The following PRDM5 variants were observed in gnomAD, a reference collection of about 807,000 sequenced individuals.
PRDM5 encodes the protein PR domain zinc finger protein 5.
In PRDM5, 56 loss-of-function variants were observed where a neutral mutation model predicts 81.2. That is an observed-to-expected ratio of 0.69 (90% confidence interval 0.56 to 0.86). PRDM5 has a LOEUF of 0.86. Ranked by LOEUF, PRDM5 falls within the 40% of genes least tolerant of loss-of-function variation. The pLI is 0.00. For synonymous variants in PRDM5, 267 were observed against 256.4 expected (o/e 1.04, Z -0.39); for missense variants, 697 against 770.1 (o/e 0.91, Z 1.12).
rs143138250 is a variant in PRDM5, at chr4:120,794,863, G to A, written c.1188+3404C>T. ...CTGGTCTTGAACTCCGGACCTCAGC[G>A]GATCCACCCACCTCATCCTCCCAAA... On this transcript the variant is annotated intron_variant, in intron 10 of 15. Coordinates refer to ENST00000264808, the MANE Select transcript of PRDM5 (RefSeq NM_018699.4). 3.2e-3 allele frequency among the ~76,000 whole-genome samples: 487 copies of A among 151,898 alleles called. 3 individuals are homozygous for A. The highest frequency in any genetic ancestry group is 0.011 in the African/African-American group (457 of 41,454).
chr4:120,821,569 A>G (rs549223996), intron 3 of PRDM5, among the ~76,000 whole-genome samples: 1 of 152,322 alleles, frequency 6.6e-6, no homozygotes, highest in Admixed American at 6.5e-5. Context: ...CACATGTCAA[A>G]TGAAATTATG....
At chr4:120,770,531 G>T (rs187060251) in intron 13 of PRDM5, among the ~76,000 whole-genome samples, 1 of 151,402 alleles carries the variant, frequency 6.6e-6, no homozygotes, top group Admixed American at 6.6e-5. Flanking sequence ...CGTGACATGG[G>T]AGCCTTCAGA....
intron 8 of PRDM5, among the ~76,000 whole-genome samples, chr4:120,804,703 G>T (rs1171335448): frequency 6.6e-6 from 1 of 152,204 alleles, no homozygotes; most frequent in African/African-American, 2.4e-5. Context: ...TTAAAGTAGT[G>T]TGTAGAGGGA....
chr4:120,915,719 T>C (rs1381350687), intron 1 of PRDM5, among the ~76,000 whole-genome samples: 1 of 152,110 alleles, frequency 6.6e-6, no homozygotes, highest in Admixed American at 6.5e-5. Context: ...AAAGGACTCC[T>C]ACCACTGGGG....
intron 7 of PRDM5, among the ~76,000 whole-genome samples, chr4:120,814,719 A>T (rs577310380): frequency 6.6e-6 from 1 of 152,290 alleles, no homozygotes; most frequent in South Asian, 2.1e-4. Flanking sequence ...TCCAATAGGG[A>T]ATATTCTTTC....
At chr4:120,895,229 G>A (rs1207723610) in intron 2 of PRDM5, among the ~76,000 whole-genome samples, 3 of 152,166 alleles carry the variant, frequency 2.0e-5, no homozygotes. Context: ...AGGTTGATGT[G>A]TTAGTTCCAC....
intron 2 of PRDM5, among the ~76,000 whole-genome samples, chr4:120,859,380 C>T (rs900697004): frequency 2.0e-5 from 3 of 148,812 alleles, no homozygotes; most frequent in East Asian, 2.0e-4. Context: ...TCACCTTGCC[C>T]GGCTAATAAT....
intron 3 of PRDM5, among the ~76,000 whole-genome samples, chr4:120,848,541 AC>A (rs1324622905): frequency 6.6e-6 from 1 of 152,188 alleles, no homozygotes; most frequent in Non-Finnish European, 1.5e-5. Flanking sequence ...TCTTTCTCAT[AC>A]AGTCACAGTA....
At chr4:120,714,497 T>C (rs1223090040) in intron 14 of PRDM5, among the ~76,000 whole-genome samples, 1 of 152,208 alleles carries the variant, frequency 6.6e-6, no homozygotes, top group East Asian at 1.9e-4. Context: ...TATTTGCTTA[T>C]TTCCCAATTC....
At chr4:120,862,793 C>T (rs1357150798) in intron 2 of PRDM5, among the ~76,000 whole-genome samples, 2 of 152,098 alleles carry the variant, frequency 1.3e-5, no homozygotes, top group South Asian at 2.1e-4. Context: ...AAATCTTGGG[C>T]ATTGAATGTT....
At chr4:120,700,755 C>G (rs1735218527) in intron 15 of PRDM5, among the ~76,000 whole-genome samples, 1 of 152,132 alleles carries the variant, frequency 6.6e-6, no homozygotes, top group Admixed American at 6.5e-5. Context: ...AAAAAATGCT[C>G]ATAATCACTG....
At chr4:120,741,032 A>G (rs1741852182) in intron 14 of PRDM5, among the ~76,000 whole-genome samples, 1 of 151,730 alleles carries the variant, frequency 6.6e-6, no homozygotes, top group Admixed American at 6.6e-5. Context: ...TTCAAACACA[A>G]CTCAAATATC....
intron 7 of PRDM5, among the ~76,000 whole-genome samples, chr4:120,815,851 G>C (rs1192529761): frequency 6.6e-6 from 1 of 152,176 alleles, no homozygotes; most frequent in African/African-American, 2.4e-5. Context: ...TAATCCCTAA[G>C]CCAAAATATA....
At chr4:120,911,470 A>G (rs1766498817) in intron 1 of PRDM5, among the ~76,000 whole-genome samples, 1 of 152,224 alleles carries the variant, frequency 6.6e-6, no homozygotes, top group Non-Finnish European at 1.5e-5. Flanking sequence ...ACTGTTTCTG[A>G]ATAAAGCAGA....
rs187939847 is a variant in PRDM5, at chr4:120,705,133, A to T, written c.1728+5176T>A. On this transcript the variant is annotated intron_variant, in intron 15 of 15. Transcript: ENST00000264808. ...TGAAACTGGAGCCAAGGAGGCCAGT[A>T]CTATTGTTCCACTCCAGACCAGAAA... 2.5e-4 allele frequency among the ~76,000 whole-genome samples: 38 copies of T among 152,322 alleles called. No homozygotes were observed. In the East Asian group the frequency reaches 7.2e-3, roughly 29 times the overall value.
chr4:120,824,182 G>GTGT (rs1318927957), intron 3 of PRDM5, among the ~76,000 whole-genome samples: 2 of 152,174 alleles, frequency 1.3e-5, no homozygotes, highest in Non-Finnish European at 2.9e-5. Context: ...TAAGACAAGG[G>GTGT]TGTTGCCCCA....
chr4:120,735,760 C>G (rs1741011893), intron 14 of PRDM5, among the ~76,000 whole-genome samples: 1 of 152,116 alleles, frequency 6.6e-6, no homozygotes, highest in Non-Finnish European at 1.5e-5. Flanking sequence ...TCCCTTATCT[C>G]TGCCCAAAAT....
chr4:120,828,285 A>G (rs1468499202), intron 3 of PRDM5, among the ~76,000 whole-genome samples: 1 of 152,130 alleles, frequency 6.6e-6, no homozygotes, highest in Non-Finnish European at 1.5e-5. Context: ...TATGTAAAGT[A>G]TATCTGGCAG....
At chr4:120,760,539 T>G (rs377015930) in intron 13 of PRDM5, among the ~76,000 whole-genome samples, 236 of 152,268 alleles carry the variant, frequency 1.5e-3, no homozygotes, top group African/African-American at 5.4e-3. Flanking sequence ...ATAAAATATT[T>G]TTCATTTAAC....
Sources: allele counts gnomAD v4.1 joint callset (sites outside exome capture counted in the v4.1 genomes callset), GRCh38; gene constraint gnomAD v4.1.1; transcripts MANE v1.5; gene names NCBI Gene and HGNC (gene_info 2026-07-23, HGNC 2026-07-21).